TENM3: variants seen among roughly 807,000 people sequenced by gnomAD.
TENM3 encodes the protein teneurin-3.
A neutral mutation model predicts 255.1 loss-of-function variants in TENM3; 63 were observed. The observed-to-expected ratio is 0.25, with a 90% CI of 0.20 to 0.30. The LOEUF is 0.30. Among genes scored for constraint, TENM3 ranks in the 10% least tolerant of loss-of-function variants. The probability of loss-of-function intolerance (pLI) is 1.00; values close to 1 mark genes in which losing one functional copy is unlikely to be tolerated. For synonymous variants in TENM3, 1,306 were observed against 1,322.3 expected, an observed-to-expected ratio of 0.99 and a Z score of 0.27; for missense variants, 2,929 against 3,461.1, an observed-to-expected ratio of 0.85 and a Z score of 3.86.
intron 7 of TENM3, among the ~76,000 whole-genome samples, chr4:182,675,632 A>G (rs1288322179): frequency 6.6e-6 from 1 of 152,162 alleles, no homozygotes; most frequent in African/African-American, 2.4e-5. Context: ...GCAATTGTCC[A>G]GTGAAATATG....
At chr4:182,464,182 C>A (rs1295750897) in intron 3 of TENM3, among the ~76,000 whole-genome samples, 1 of 152,140 alleles carries the variant, frequency 6.6e-6, no homozygotes, top group Non-Finnish European at 1.5e-5. Context: ...ACTTTCTCTA[C>A]AATATGAACT....
the TENM3 span, among the ~76,000 whole-genome samples, chr4:182,058,381 C>T: frequency 1.3e-5 from 2 of 151,948 alleles, no homozygotes; most frequent in Non-Finnish European, 2.9e-5. Flanking sequence ...TTTACAAAAG[C>T]GTTAAGAAGA....
In TENM3 at chr4:182,213,689, A is replaced by C. The variant is rs544215685; in HGVS notation, c.-76+68935A>C. 2.6e-5 allele frequency among the ~76,000 whole-genome samples: 4 copies of C among 152,372 alleles called. No homozygotes were observed. In the East Asian group the frequency reaches 7.7e-4, roughly 29 times the overall value. On this transcript the variant is annotated intron_variant, in intron 1 of 2. Coordinates refer to the TENM3 transcript ENST00000512480. ...AACACTGCTTCTTAGCTCTATTTGC[A>C]TGCCAGAAATTCTGAGCGACAAACA... is the stretch of plus-strand genomic sequence containing the variant.
chr4:181,496,091 G>A, the TENM3 span, among the ~76,000 whole-genome samples: 6 of 151,978 alleles, frequency 3.9e-5, no homozygotes, highest in East Asian at 1.9e-4. Context: ...AGTCATTAAC[G>A]AGTAGGTATT....
At chr4:182,440,321 C>T (rs531183063) in intron 3 of TENM3, among the ~76,000 whole-genome samples, 71 of 152,144 alleles carry the variant, frequency 4.7e-4, no homozygotes, top group African/African-American at 1.6e-3. Flanking sequence ...ACCATCTTGG[C>T]CAGGCTGGTC....
At chr4:182,768,325 A>C (rs1178363050) in intron 22 of TENM3, among the ~76,000 whole-genome samples, 1 of 152,248 alleles carries the variant, frequency 6.6e-6, no homozygotes, top group Admixed American at 6.5e-5. Context: ...AGTTTTCGAG[A>C]ACTGCAAATT....
chr4:181,940,389 T>G, the TENM3 span, among the ~76,000 whole-genome samples: 2 of 152,216 alleles, frequency 1.3e-5, no homozygotes, highest in African/African-American at 4.8e-5. Flanking sequence ...CCAGAATCAC[T>G]GATTCAATCA....
chr4:181,873,231 A>G, the TENM3 span, among the ~76,000 whole-genome samples: 1 of 151,726 alleles, frequency 6.6e-6, no homozygotes, highest in Non-Finnish European at 1.5e-5. Flanking sequence ...ACACACCCAG[A>G]TAATTTTTGC....
At chr4:181,564,669 C>A in the TENM3 span, among the ~76,000 whole-genome samples, 1 of 152,158 alleles carries the variant, frequency 6.6e-6, no homozygotes, top group Non-Finnish European at 1.5e-5. Flanking sequence ...GTGGACAGAG[C>A]AATTCTCTGC....
At chr4:182,729,286 T>C in intron 14 of TENM3, 105 bp downstream of exon 14, 1 of 966,060 alleles carries the variant, frequency 1.0e-6, no homozygotes, top group Non-Finnish European at 1.5e-6. Flanking sequence ...GTGCTGTTTT[T>C]TAAATACAGT....
At chr4:182,687,830 A>C (rs1308970616) in intron 11 of TENM3, among the ~76,000 whole-genome samples, 4 of 152,156 alleles carry the variant, frequency 2.6e-5, no homozygotes, top group Admixed American at 1.3e-4. Flanking sequence ...TGATAGGTGT[A>C]TATAAATATG....
intron 3 of TENM3, among the ~76,000 whole-genome samples, chr4:182,419,803 A>G (rs1373088345): frequency 2.1e-5 from 3 of 144,868 alleles, no homozygotes; most frequent in African/African-American, 7.5e-5. Context: ...TCTCACTCAT[A>G]GGTGGGAACT....
At chr4:181,874,890 T>C in the TENM3 span, among the ~76,000 whole-genome samples, 1 of 152,202 alleles carries the variant, frequency 6.6e-6, no homozygotes, top group African/African-American at 2.4e-5. Flanking sequence ...AATATAGAGT[T>C]CCCTCTATGT....
intron 22 of TENM3, among the ~76,000 whole-genome samples, chr4:182,756,463 G>A (rs539240091): frequency 2.6e-5 from 4 of 152,240 alleles, no homozygotes; most frequent in East Asian, 3.9e-4. Context: ...CACTTGACTC[G>A]GTTGTACAAG....
chr4:181,954,964 G>T, the TENM3 span, among the ~76,000 whole-genome samples: 6 of 152,140 alleles, frequency 3.9e-5, no homozygotes, highest in African/African-American at 1.4e-4. Context: ...TGTACCAAAA[G>T]AGCATCCTTC....
the TENM3 span, among the ~76,000 whole-genome samples, chr4:181,919,248 C>T: frequency 6.6e-6 from 1 of 152,082 alleles, no homozygotes; most frequent in African/African-American, 2.4e-5. Flanking sequence ...TTTGGCATCT[C>T]AGGAACCCAG....
At chr4:181,702,310 C>T in the TENM3 span, among the ~76,000 whole-genome samples, 2 of 152,136 alleles carry the variant, frequency 1.3e-5, no homozygotes, top group African/African-American at 4.8e-5. Flanking sequence ...TATTACGATA[C>T]ATAAATAAAA....
the TENM3 span, among the ~76,000 whole-genome samples, chr4:181,926,743 C>T: frequency 2.6e-5 from 4 of 151,816 alleles, no homozygotes; most frequent in African/African-American, 9.7e-5. Context: ...ATAGGAACAG[C>T]TCCGGTCTGC....
intron 12 of TENM3, among the ~76,000 whole-genome samples, chr4:182,693,097 C>G (rs1757133382): frequency 6.6e-6 from 1 of 152,042 alleles, no homozygotes; most frequent in African/African-American, 2.4e-5. Context: ...TTTTTCAGAT[C>G]ATTTGGGGTT....
Sources: allele counts gnomAD v4.1 joint callset (sites outside exome capture counted in the v4.1 genomes callset), GRCh38; gene constraint gnomAD v4.1.1; transcripts MANE v1.5; gene names NCBI Gene and HGNC (gene_info 2026-07-23, HGNC 2026-07-21).